The following POU6F2 variants were observed in gnomAD, a reference collection of about 807,000 sequenced individuals.
POU6F2 encodes POU domain, class 6, transcription factor 2.
POU6F2 carries 31 observed loss-of-function variants against 71.3 expected under a neutral mutation model. The observed-to-expected ratio is 0.43, with a 90% confidence interval of 0.33 to 0.59. The LOEUF is 0.59. Among genes scored for constraint, POU6F2 ranks in the 20% least tolerant of loss-of-function variants. The pLI is 0.04. For missense variants in POU6F2, 783 were observed against 856.8 expected (o/e 0.91, Z 1.07); for synonymous variants, 347 against 355.7 (o/e 0.98, Z 0.27).
intron 1 of POU6F2, among the ~76,000 whole-genome samples, chr7:39,062,182 C>T (rs1389871170): frequency 6.6e-6 from 1 of 152,104 alleles, no homozygotes; most frequent in Non-Finnish European, 1.5e-5. Flanking sequence ...CATTGTTTTG[C>T]ATCCTGAATA....
chr7:39,246,087 C>T (rs766036579), intron 4 of POU6F2, among the ~76,000 whole-genome samples: 1 of 152,164 alleles, frequency 6.6e-6, no homozygotes, highest in South Asian at 2.1e-4. Context: ...TGAAAGTGAA[C>T]CCAAGGCTTT....
At chr7:39,297,405 G>A (rs562259486) in intron 4 of POU6F2, among the ~76,000 whole-genome samples, 3 of 152,234 alleles carry the variant, frequency 2.0e-5, no homozygotes, top group Admixed American at 6.5e-5. Context: ...AAGTGATGAC[G>A]TGGGCCACGT....
At chr7:39,225,401 T>C (rs1381313263) in intron 4 of POU6F2, among the ~76,000 whole-genome samples, 1 of 152,232 alleles carries the variant, frequency 6.6e-6, no homozygotes, top group Non-Finnish European at 1.5e-5. Context: ...TCAGGCTATG[T>C]TGAACTCTCA....
intron 4 of POU6F2, among the ~76,000 whole-genome samples, chr7:39,228,635 G>A (rs1013551481): frequency 2.0e-4 from 31 of 152,336 alleles, no homozygotes; most frequent in Middle Eastern, 3.4e-3. Context: ...ACAGGATGCC[G>A]CCGAGGTCAA....
rs867730046 is a variant in POU6F2, at chr7:39,358,873, T to A, written c.972+18858T>A. Among the ~76,000 whole-genome samples, 12 of 134,386 alleles carry A rather than the reference T, an allele frequency of 8.9e-5. No homozygotes were observed. In the East Asian group the frequency reaches 1.1e-3, roughly 12 times the overall value. The allele number at this position is 134,386 out of a possible 152,430, so 88.2% of individuals were successfully genotyped here. On this transcript the variant is annotated intron_variant, in intron 5 of 9. Transcript: ENST00000518318. The stretch of plus-strand genomic sequence containing the variant: ...GAAAGTGGAGCTGTACTTCTGTATT[T>A]AAAAAAAAAAAAAAAAAAGAGTATG...
Position 39,037,457 on chromosome 7 carries a change from T to C in POU6F2, c.106-48403T>C, listed in dbSNP as rs150693078. On this transcript the variant is annotated intron_variant, in intron 1 of 9. Transcript: ENST00000518318. ...GCTCATGAGCCATTTTTTCAACATC[T>C]TAGACCCAAACTGGCTTTTCTTTGA... Among the ~76,000 whole-genome samples the C allele has an allele frequency of 1.1e-3, 171 of 152,144 alleles. 1 individual carries two copies. The highest frequency in any genetic ancestry group is 3.8e-3 in the African/African-American group (159 of 41,548).
chr7:39,101,980 A>G (rs990795005), intron 2 of POU6F2, among the ~76,000 whole-genome samples: 5 of 152,174 alleles, frequency 3.3e-5, no homozygotes, highest in African/African-American at 9.7e-5. Flanking sequence ...CTTTTACACT[A>G]TCTTTTGGAA....
In POU6F2 at chr7:39,244,397, C is replaced by T. The variant is rs139522665; in HGVS notation, c.598+36777C>T. Reference sequence around the variant, plus strand: ...CTGAGCCTGAGTACCACTCGTTGCCCGTGTGACCATGATGAATTTCTTTCT... The same window carrying T: ...CTGAGCCTGAGTACCACTCGTTGCCTGTGTGACCATGATGAATTTCTTTCT... On this transcript the variant is annotated intron_variant, in intron 4 of 9. Coordinates refer to ENST00000518318, the MANE Select transcript of POU6F2 (RefSeq NM_001370959.1). 4.8e-4 allele frequency among the ~76,000 whole-genome samples: 73 copies of T among 152,224 alleles called. No homozygotes were observed. The Middle Eastern group carries it at 0.01, about 21-fold the overall frequency.
intron 6 of POU6F2, among the ~76,000 whole-genome samples, chr7:39,427,451 T>C (rs1378929605): frequency 6.6e-6 from 1 of 152,190 alleles, no homozygotes; most frequent in Non-Finnish European, 1.5e-5. Context: ...GTTTTTATTA[T>C]TGTTATTGCT....
chr7:39,334,145 A>G lies in POU6F2; in HGVS notation c.599-5497A>G, dbSNP rs530980805. Among the ~76,000 whole-genome samples the G allele has an allele frequency of 9.8e-5, 15 of 152,340 alleles. No homozygotes were observed. In the South Asian group the frequency reaches 1.7e-3, roughly 17 times the overall value. On this transcript the variant is annotated intron_variant, in intron 4 of 9. Coordinates refer to ENST00000518318, the MANE Select transcript of POU6F2 (RefSeq NM_001370959.1). ...CACTTAGATCTCTGCCTTAAATGCA[A>G]AAGAAGCAAAAAGACAGATTAAGGA...
intron 5 of POU6F2, chr7:39,406,312 A>G: frequency 2.5e-6 from 1 of 401,086 alleles, no homozygotes; most frequent in Non-Finnish European, 4.6e-6. Flanking sequence ...CCACCCCAGA[A>G]GGTCCTAACA....
intron 7 of POU6F2, among the ~76,000 whole-genome samples, chr7:39,438,416 G>A (rs1788304755): frequency 6.6e-6 from 1 of 152,184 alleles, no homozygotes; most frequent in Non-Finnish European, 1.5e-5. Flanking sequence ...ACATGTGCAT[G>A]TGTCTTTATA....
intron 4 of POU6F2, among the ~76,000 whole-genome samples, chr7:39,267,639 TA>T (rs1041642198): frequency 6.8e-4 from 92 of 134,576 alleles, no homozygotes; most frequent in Non-Finnish European, 5.4e-4. Context: ...ATATTTTATT[TA>T]TTTTTTTTTT....
chr7:39,292,994 G>A (rs1276797436), intron 4 of POU6F2, among the ~76,000 whole-genome samples: 1 of 152,058 alleles, frequency 6.6e-6, no homozygotes, highest in East Asian at 1.9e-4. Flanking sequence ...GGCTCTGGCC[G>A]CCTCTGTCTT....
chr7:39,299,185 AAAATT>A (rs1784907764), intron 4 of POU6F2, among the ~76,000 whole-genome samples: 2 of 152,174 alleles, frequency 1.3e-5, no homozygotes, highest in Non-Finnish European at 2.9e-5. Context: ...AAATAAAACA[AAAATT>A]AAAATTAAAT....
chr7:39,300,150 G>A (rs1464818346), intron 4 of POU6F2, among the ~76,000 whole-genome samples: 3 of 152,206 alleles, frequency 2.0e-5, no homozygotes, highest in Non-Finnish European at 4.4e-5. Context: ...ATAGGAAACT[G>A]TGTCCTTCAC....
chr7:39,317,513 G>A (rs1023877404), intron 4 of POU6F2, among the ~76,000 whole-genome samples: 2 of 152,162 alleles, frequency 1.3e-5, no homozygotes, highest in East Asian at 3.8e-4. Context: ...ATAATTTATG[G>A]TCAAAAGCTA....
intron 4 of POU6F2, among the ~76,000 whole-genome samples, chr7:39,277,787 G>A (rs983757860): frequency 3.3e-5 from 5 of 152,042 alleles, no homozygotes; most frequent in East Asian, 1.9e-4. Context: ...GGCCAGGAGC[G>A]GTGGCTCACA....
intron 1 of POU6F2, among the ~76,000 whole-genome samples, chr7:39,068,402 A>T (rs1369419596): frequency 6.6e-6 from 1 of 152,022 alleles, no homozygotes; most frequent in Non-Finnish European, 1.5e-5. Context: ...AAAGTGAATT[A>T]TAAAAGCAGG....
Sources: allele counts gnomAD v4.1 joint callset (sites outside exome capture counted in the v4.1 genomes callset), GRCh38; gene constraint gnomAD v4.1.1; transcripts MANE v1.5; gene names NCBI Gene and HGNC (gene_info 2026-07-23, HGNC 2026-07-21).